Variants in NCOR1 observed in about 807,000 individuals in gnomAD.
The protein encoded by NCOR1 is protein phosphatase 1, regulatory subunit 109.
In NCOR1, 63 loss-of-function variants were observed where a neutral mutation model predicts 288.1. The observed-to-expected ratio is 0.22, with a 90% confidence interval of 0.18 to 0.27. NCOR1 has a LOEUF of 0.27. Ranked by LOEUF, NCOR1 falls within the 10% of genes least tolerant of loss-of-function variation. NCOR1 has a pLI of 1.00. For synonymous variants in NCOR1, 1,007 were observed against 1,065.9 expected, an observed-to-expected ratio of 0.94 and a Z score of 1.08; for missense variants, 2,397 against 3,019.2, an observed-to-expected ratio of 0.79 and a Z score of 4.83.
At chr17:16,204,868 A>G (rs1198108671) in intron 1 of NCOR1, among the ~76,000 whole-genome samples, 2 of 152,242 alleles carry the variant, frequency 1.3e-5, no homozygotes, top group South Asian at 2.1e-4. Context: ...GGGTTTGGAT[A>G]TATCTGACTA....
Position 16,070,323 on chromosome 17 carries a change from A to G in NCOR1, c.4355T>C (p.Val1452Ala). ...CCTAAGAACGGAGGGGCCAGAGCTT[A>G]CCACTGACGTGTGCCGGGAACGCAC... ...ETVRSRHTSVVSSGPSVLRST... is the reference protein window; with the variant it reads ...ETVRSRHTSVASSGPSVLRST... The change falls in exon 31 of 46, where the codon GTA becomes GCA. Residue 1452 changes from valine to alanine, a missense_variant. Around this residue, in one of 11 missense-constraint regions of NCOR1, gnomAD observed 1,872 missense variants for 2,187.8 expected, o/e 0.86. Transcript: ENST00000268712. 6.2e-7 allele frequency: 1 copy of G among 1,614,156 alleles called. No individual in the cohort carries two copies. Among genetic ancestry groups the G allele is most frequent in the Non-Finnish European group, 8.5e-7 (1 of 1,180,036 alleles).
chr17:16,191,601 AAAT>A (rs1039676863), intron 2 of NCOR1, among the ~76,000 whole-genome samples: 2 of 149,936 alleles, frequency 1.3e-5, no homozygotes, highest in Admixed American at 1.3e-4. Context: ...AAAAAAAATA[AAAT>A]AAAAACAGGG....
intron 18 of NCOR1, among the ~76,000 whole-genome samples, chr17:16,109,992 A>G (rs1039252864): frequency 6.6e-6 from 1 of 152,206 alleles, no homozygotes; most frequent in Admixed American, 6.5e-5. Flanking sequence ...TTGGCCTCCC[A>G]AAGTGCTGGG....
chr17:16,120,533 T>C (rs1301469428), intron 16 of NCOR1, among the ~76,000 whole-genome samples: 2 of 152,246 alleles, frequency 1.3e-5, no homozygotes, highest in Admixed American at 1.3e-4. Flanking sequence ...TAATCTAGCC[T>C]TTTTATAAAC....
chr17:16,144,742 G>A (rs899934115), intron 10 of NCOR1, among the ~76,000 whole-genome samples: 56 of 148,828 alleles, frequency 3.8e-4, no homozygotes, highest in African/African-American at 1.3e-3. Flanking sequence ...CTCCCTCTCC[G>A]CTTCTCCCGC....
intron 6 of NCOR1, among the ~76,000 whole-genome samples, chr17:16,153,942 G>A (rs943248128): frequency 6.0e-5 from 9 of 150,134 alleles, no homozygotes; most frequent in Admixed American, 4.0e-4. Flanking sequence ...AAAGAAAACC[G>A]CTAATTTGAA....
chr17:16,081,179 C>T (rs913540981), intron 23 of NCOR1, among the ~76,000 whole-genome samples: 3 of 139,056 alleles, frequency 2.2e-5, no homozygotes, highest in African/African-American at 6.2e-5. Context: ...CTTTTTTTTT[C>T]TTTTCTTTTC....
At chr17:16,044,788 TG>T in intron 42 of NCOR1, 1 of 1,092,232 alleles carries the variant, frequency 9.2e-7, no homozygotes, top group Non-Finnish European at 1.4e-6. Context: ...ATGTCAACAT[TG>T]GGAGCCTCAT....
intron 22 of NCOR1, chr17:16,087,083 A>C (rs934279850): frequency 1.1e-6 from 1 of 943,232 alleles, no homozygotes; most frequent in African/African-American, 1.7e-5. Context: ...ACGTCCTGGA[A>C]GAGCAGTTCA....
intron 28 of NCOR1, among the ~76,000 whole-genome samples, chr17:16,072,660 C>T (rs1289611093): frequency 6.6e-6 from 1 of 152,102 alleles, no homozygotes; most frequent in Non-Finnish European, 1.5e-5. Flanking sequence ...TAAATAACCT[C>T]CTAAGAAGCT....
intron 6 of NCOR1, among the ~76,000 whole-genome samples, chr17:16,157,485 T>C (rs2153413411): frequency 6.6e-6 from 1 of 152,282 alleles, no homozygotes; most frequent in African/African-American, 2.4e-5. Flanking sequence ...TATTCAACTT[T>C]TAAATTCAGG....
intron 1 of NCOR1, among the ~76,000 whole-genome samples, chr17:16,211,283 G>A (rs1223650557): frequency 1.3e-5 from 2 of 150,654 alleles, no homozygotes; most frequent in Non-Finnish European, 2.9e-5. Flanking sequence ...TTGAGAGACA[G>A]TCTTGCTCTG....
intron 2 of NCOR1, among the ~76,000 whole-genome samples, chr17:16,187,143 T>A (rs919823176): frequency 7.3e-5 from 11 of 151,702 alleles, no homozygotes; most frequent in African/African-American, 2.7e-4. Flanking sequence ...GTTTTTCCCA[T>A]CAAAACTAGG....
intron 21 of NCOR1, among the ~76,000 whole-genome samples, chr17:16,095,489 AGG>A (rs1275453236): frequency 1.2e-5 from 1 of 84,930 alleles, no homozygotes; most frequent in African/African-American, 4.9e-5. Context: ...GGAGGGAGGT[AGG>A]GGGGTCAGCC....
Position 16,086,451 on chromosome 17 carries a change from AG to A in NCOR1, c.3017-10del. 4 of 1,603,892 alleles carry A rather than the reference AG, an allele frequency of 2.5e-6. No homozygotes were observed. Among genetic ancestry groups the A allele is most frequent in the Non-Finnish European group, 3.4e-6 (4 of 1,172,602 alleles). ...TGGAGCAGGCTGAAGGACTTTTAAA[AG>A]GAAAGAAAAATGATTTTAAACTAGT... On this transcript the variant is annotated splice_polypyrimidine_tract_variant and intron_variant, in intron 22 of 45. Transcript: ENST00000268712.
intron 21 of NCOR1, among the ~76,000 whole-genome samples, chr17:16,095,508 C>CTGG (rs2066343716): frequency 7.0e-6 from 1 of 142,092 alleles, no homozygotes; most frequent in Non-Finnish European, 1.6e-5. Context: ...AGCCCCCTGC[C>CTGG]CGGCCAGCCG....
intron 3 of NCOR1, among the ~76,000 whole-genome samples, chr17:16,176,177 T>A (rs1367510501): frequency 6.6e-6 from 1 of 151,990 alleles, no homozygotes; most frequent in Admixed American, 6.6e-5. Flanking sequence ...CGAGATCGCA[T>A]CATTGCACTC....
At chr17:16,061,973 C>A in intron 36 of NCOR1, 79 bp from the exon 37 acceptor site, 2 of 1,565,116 alleles carry the variant, frequency 1.3e-6, no homozygotes, top group African/African-American at 1.4e-5. Context: ...GAAGGACAAA[C>A]TGCAACAACA....
chr17:16,126,274 A>G (rs2074023803), intron 14 of NCOR1, 68 bp from the exon 15 acceptor site: 2 of 1,408,918 alleles, frequency 1.4e-6, no homozygotes, highest in Non-Finnish European at 9.4e-7. Context: ...AGTGTGATAA[A>G]TTATGTCTAT....
Sources: allele counts gnomAD v4.1 joint callset (sites outside exome capture counted in the v4.1 genomes callset), GRCh38; gene constraint gnomAD v4.1.1; regional missense constraint gnomAD v4.1.1; transcripts MANE v1.5; gene names NCBI Gene and HGNC (gene_info 2026-07-23, HGNC 2026-07-21).